PROK2: variants seen among roughly 807,000 people sequenced by gnomAD.
The protein encoded by PROK2 is prokineticin-2.
PROK2 carries 8 observed loss-of-function variants against 14.2 expected under a neutral mutation model. The observed-to-expected ratio is 0.56, with a 90% confidence interval of 0.33 to 1.02. The LOEUF (loss-of-function observed/expected upper bound fraction) is 1.02. Ranked by LOEUF, PROK2 falls within the 50% of genes least tolerant of loss-of-function variation. The probability of loss-of-function intolerance (pLI) is 0.03; values close to 1 mark genes in which losing one functional copy is unlikely to be tolerated. For missense variants in PROK2, 154 were observed against 160.4 expected (o/e 0.96, Z 0.22); for synonymous variants, 59 against 60.7 (o/e 0.97, Z 0.13).
Position 71,771,747 on chromosome 3 carries a change from A to G in PROK2, c.*977T>C, listed in dbSNP as rs891374136. The G allele has an allele frequency of 1.3e-5, 2 of 152,678 alleles. No individual in the cohort carries two copies. The highest frequency in any genetic ancestry group is 4.8e-5 in the African/African-American group (2 of 41,464). The allele number at this position is 152,678 out of a possible 1,614,324, so 9.5% of individuals were successfully genotyped here. A position where few individuals can be genotyped will look rare whatever the true frequency, so the allele number is the denominator to read the frequency against. On this transcript the variant is annotated 3_prime_UTR_variant, in exon 4 of 4. Coordinates refer to ENST00000295619, the MANE Select transcript of PROK2 (RefSeq NM_001126128.2). ...AGAATTTTTACACAGCAATACTGAT[A>G]CAGGTACAAACGGCAATCCATTACA... is the stretch of plus-strand genomic sequence containing the variant.
intron 2 of PROK2, among the ~76,000 whole-genome samples, chr3:71,780,763 T>C (rs10779992): frequency 0.18 from 27,255 of 152,100 alleles, 2,514 homozygotes; most frequent in East Asian, 0.31. Flanking sequence ...TCATGTAATA[T>C]AAACCTTCCT....
intron 2 of PROK2, among the ~76,000 whole-genome samples, chr3:71,779,327 G>A (rs1388854746): frequency 1.3e-5 from 2 of 152,240 alleles, no homozygotes; most frequent in African/African-American, 2.4e-5. Flanking sequence ...CACAAAGAAT[G>A]AAGTTGAGTG....
intron 1 of PROK2, among the ~76,000 whole-genome samples, chr3:71,784,142 T>A (rs1033593588): frequency 3.3e-5 from 5 of 152,236 alleles, no homozygotes; most frequent in Non-Finnish European, 7.3e-5. Flanking sequence ...GCCTTGTTAA[T>A]GTAAACTAGA....
At chr3:71,780,868 A>G (rs10865660) in intron 2 of PROK2, among the ~76,000 whole-genome samples, 16,933 of 152,256 alleles carry the variant, frequency 0.11, 1,053 homozygotes, top group East Asian at 0.29. Context: ...ACTACTGTTA[A>G]TAACTTTTCA....
intron 1 of PROK2, among the ~76,000 whole-genome samples, chr3:71,781,793 C>T (rs571917342): frequency 5.9e-5 from 9 of 152,122 alleles, no homozygotes; most frequent in South Asian, 4.2e-4. Flanking sequence ...TCTCATTTTT[C>T]GAAAGTGGGC....
chr3:71,775,530 C>A (rs889657431), intron 2 of PROK2, among the ~76,000 whole-genome samples: 3 of 152,196 alleles, frequency 2.0e-5, no homozygotes, highest in Non-Finnish European at 4.4e-5. Context: ...AGAAAAATCA[C>A]ATGGATTGTG....
rs1434742756 is a variant in PROK2 at position 71,778,559 on chromosome 3, C to T, written c.222+2908G>A. ...TAAACGGATTTTCGGTGGCTAATGA[C>T]TAAGCTGAAACAAAATGAAAAAAAA... On this transcript the variant is annotated intron_variant, in intron 2 of 3. Transcript: ENST00000295619. 2.7e-5 allele frequency among the ~76,000 whole-genome samples: 4 copies of T among 150,930 alleles called. No individual in the cohort carries two copies. In the East Asian group the frequency reaches 7.8e-4, roughly 29 times the overall value.
At chr3:71,775,301 C>T (rs997921360) in intron 2 of PROK2, among the ~76,000 whole-genome samples, 3 of 152,186 alleles carry the variant, frequency 2.0e-5, no homozygotes, top group Non-Finnish European at 4.4e-5. Flanking sequence ...TGAGTGCTAC[C>T]TACATACCAG....
chr3:71,785,128 C>CGGCGGGCT lies in PROK2; in HGVS notation c.-77_-76insAGCCCGCC. On this transcript the variant is annotated 5_prime_UTR_variant, in exon 1 of 4. Transcript: ENST00000295619. Reference sequence around the variant, plus strand: ...CGGGTGCGCTGGGTGGAGCGCGGAGCGGCGGGCGGACGGGCGCGGCGGCTC... The same window carrying CGGCGGGCT: ...CGGGTGCGCTGGGTGGAGCGCGGAGCGGCGGGCTGGCGGGCGGACGGGCGCGGCGGCTC... The CGGCGGGCT allele has an allele frequency of 9.8e-7, 1 of 1,018,226 alleles. No individual in the cohort carries two copies. The highest frequency in any genetic ancestry group is 4.9e-5 in the South Asian group (1 of 20,352). 63.1% of individuals were successfully genotyped at this position (1,018,226 alleles called of 1,614,324 possible). A position where few individuals can be genotyped will look rare whatever the true frequency, so the allele number is the denominator to read the frequency against.
intron 2 of PROK2, among the ~76,000 whole-genome samples, chr3:71,780,157 G>A (rs746306767): frequency 8.5e-5 from 13 of 152,190 alleles, no homozygotes; most frequent in Admixed American, 2.0e-4. Flanking sequence ...TTGCAGTCTT[G>A]CATGGTAAAA....
chr3:71,781,712 G>A, intron 1 of PROK2, 120 bp from the exon 2 acceptor site: 1 of 1,075,448 alleles, frequency 9.3e-7, no homozygotes, highest in Non-Finnish European at 1.4e-6. Flanking sequence ...TAATAATCAG[G>A]TATATTTTTT....
At chr3:71,784,454 C>G (rs549811841) in intron 1 of PROK2, among the ~76,000 whole-genome samples, 4 of 152,292 alleles carry the variant, frequency 2.6e-5, no homozygotes. Flanking sequence ...CTGGACCAAG[C>G]GATTTCAAAG....
At chr3:71,782,246 C>G (rs2050166129) in intron 1 of PROK2, among the ~76,000 whole-genome samples, 1 of 152,196 alleles carries the variant, frequency 6.6e-6, no homozygotes, top group South Asian at 2.1e-4. Flanking sequence ...CCTTATGTTA[C>G]TCTTCCTTCA....
At chr3:71,775,248 G>T (rs1337563914) in intron 2 of PROK2, among the ~76,000 whole-genome samples, 1 of 152,206 alleles carries the variant, frequency 6.6e-6, no homozygotes, top group Non-Finnish European at 1.5e-5. Context: ...TACAAACAGA[G>T]ATCACCAAAT....
Position 71,777,986 on chromosome 3 carries a change from G to A in PROK2, c.223-3479C>T, listed in dbSNP as rs372895768. Among the ~76,000 whole-genome samples, 36 of 152,148 alleles carry A rather than the reference G, an allele frequency of 2.4e-4. 1 individual carries two copies. In the East Asian group the frequency reaches 3.9e-3, roughly 16 times the overall value. ...CGAGGCAGGCAGATCACGAGGTCAGGAGATCAAGACCATCCTGGCTAACAA... is the reference window on the plus strand; with the variant it reads ...CGAGGCAGGCAGATCACGAGGTCAGAAGATCAAGACCATCCTGGCTAACAA... On this transcript the variant is annotated intron_variant, in intron 2 of 3. Transcript: ENST00000295619.
rs368526544 is a variant in PROK2 at position 71,772,692 on chromosome 3, G to A, written c.*32C>T. ...AGTAAGACTTTACAGGTAAGATGTG[G>A]CTATTCACATTTGGTTTCTACTCCA... On this transcript the variant is annotated 3_prime_UTR_variant, in exon 4 of 4. Transcript: ENST00000295619. 1.9e-6 allele frequency: 3 copies of A among 1,559,914 alleles called. No homozygotes were observed. The African/African-American group carries it at 4.1e-5, about 21-fold the overall frequency.
intron 1 of PROK2, among the ~76,000 whole-genome samples, chr3:71,783,573 C>G (rs2050185720): frequency 6.6e-6 from 1 of 152,172 alleles, no homozygotes; most frequent in African/African-American, 2.4e-5. Context: ...GCCCTTCATC[C>G]TTAACCCATT....
chr3:71,772,956 A>C, intron 3 of PROK2, 128 bp from the exon 4 acceptor site: 2 of 750,720 alleles, frequency 2.7e-6, no homozygotes, highest in Non-Finnish European at 4.7e-6. Context: ...CCATTAGGCA[A>C]TATGCTCAGT....
intron 2 of PROK2, among the ~76,000 whole-genome samples, chr3:71,780,805 T>G (rs752113439): frequency 7.2e-5 from 11 of 152,212 alleles, no homozygotes; most frequent in Admixed American, 2.0e-4. Flanking sequence ...CTGCAACCCT[T>G]GGAGATACAA....
Sources: gnomAD v4.1 joint callset for allele counts (sites outside exome capture counted in the v4.1 genomes callset) on GRCh38, gnomAD v4.1.1 for gene constraint, MANE v1.5 for transcripts, NCBI Gene and HGNC (gene_info 2026-07-23, HGNC 2026-07-21) for gene names.